Variants in TENM2 observed in about 807,000 individuals in gnomAD.
TENM2 encodes the protein teneurin transmembrane protein 2, also known as teneurin-2.
In TENM2, 52 loss-of-function variants were observed where a neutral mutation model predicts 245.2. That is an observed-to-expected ratio of 0.21 (90% CI 0.17 to 0.27). The LOEUF (loss-of-function observed/expected upper bound fraction) is 0.27, where lower values mean the gene tolerates loss of function less well. Ranked by LOEUF, TENM2 falls within the 10% of genes least tolerant of loss-of-function variation. The probability of loss-of-function intolerance (pLI) is 1.00; values close to 1 mark genes in which losing one functional copy is unlikely to be tolerated. For synonymous variants in TENM2, 1,363 were observed against 1,438.9 expected (o/e 0.95, Z 1.19); for missense variants, 3,046 against 3,666.8 (o/e 0.83, Z 4.37).
intron 2 of TENM2, among the ~76,000 whole-genome samples, chr5:167,849,913 T>C (rs1209726921): frequency 6.6e-6 from 1 of 152,212 alleles, no homozygotes; most frequent in Non-Finnish European, 1.5e-5. Flanking sequence ...CAGATTGAGC[T>C]ATCCAGAAGC....
intron 19 of TENM2, among the ~76,000 whole-genome samples, chr5:168,208,546 C>T (rs1762549098): frequency 6.6e-6 from 1 of 152,208 alleles, no homozygotes; most frequent in South Asian, 2.1e-4. Flanking sequence ...GAGTTTCAGC[C>T]AGGACAGACC....
At chr5:167,918,512 A>T (rs1777117048) in intron 3 of TENM2, among the ~76,000 whole-genome samples, 1 of 152,184 alleles carries the variant, frequency 6.6e-6, no homozygotes, top group Admixed American at 6.5e-5. Flanking sequence ...CTGAGCCCGC[A>T]GTTTGATTTT....
At chr5:167,592,148 G>T (rs374970875) in intron 2 of TENM2, among the ~76,000 whole-genome samples, 2 of 152,172 alleles carry the variant, frequency 1.3e-5, no homozygotes, top group Admixed American at 1.3e-4. Flanking sequence ...GAATTAAAAC[G>T]ATATCAAAGT....
Position 167,803,057 on chromosome 5 carries a change from G to A in TENM2, c.503-72929G>A, listed in dbSNP as rs181840712. Among the ~76,000 whole-genome samples the A allele has an allele frequency of 2.4e-4, 36 of 152,216 alleles. No individual in the cohort carries two copies. The East Asian group carries it at 6.6e-3, about 28-fold the overall frequency. Reference sequence around the variant, plus strand: ...AAAACCTAAATGCTTGATGTAGGAGGCATTAGGAAGAGCCTCAGGCACACA... The same window carrying A: ...AAAACCTAAATGCTTGATGTAGGAGACATTAGGAAGAGCCTCAGGCACACA... On this transcript the variant is annotated intron_variant, in intron 2 of 28. Coordinates refer to ENST00000518659, the Ensembl canonical transcript of TENM2.
chr5:167,436,402 A>T (rs1029688270), intron 2 of TENM2, among the ~76,000 whole-genome samples: 1 of 152,098 alleles, frequency 6.6e-6, no homozygotes, highest in Non-Finnish European at 1.5e-5. Flanking sequence ...CTAAGCAGCA[A>T]AGCATTCAAG....
chr5:167,526,396 A>C (rs1380482711), intron 2 of TENM2, among the ~76,000 whole-genome samples: 1 of 151,778 alleles, frequency 6.6e-6, no homozygotes, highest in Non-Finnish European at 1.5e-5. Flanking sequence ...ACACACACAG[A>C]AAAGAAGAAT....
intron 2 of TENM2, among the ~76,000 whole-genome samples, chr5:167,416,919 A>T (rs1230371006): frequency 1.3e-5 from 2 of 152,208 alleles, no homozygotes; most frequent in Non-Finnish European, 2.9e-5. Flanking sequence ...GATCATTCAA[A>T]TCAATCAAAT....
chr5:167,963,460 C>T (rs779741234), intron 4 of TENM2, among the ~76,000 whole-genome samples: 1 of 152,104 alleles, frequency 6.6e-6, no homozygotes, highest in Non-Finnish European at 1.5e-5. Context: ...ATTGGTCTCT[C>T]TCCAGGAGAG....
intron 2 of TENM2, among the ~76,000 whole-genome samples, chr5:167,601,073 G>C (rs1291379436): frequency 6.6e-6 from 1 of 152,180 alleles, no homozygotes; most frequent in Non-Finnish European, 1.5e-5. Context: ...AGCCCTGCCC[G>C]TGTGAAGTTT....
intron 1 of TENM2, among the ~76,000 whole-genome samples, chr5:167,323,583 T>C (rs1004116697): frequency 6.6e-6 from 1 of 152,124 alleles, no homozygotes; most frequent in African/African-American, 2.4e-5. Flanking sequence ...AAAAATTGCA[T>C]GTGCTAATTT....
chr5:167,279,744 A>G, the TENM2 span, among the ~76,000 whole-genome samples: 1 of 151,826 alleles, frequency 6.6e-6, no homozygotes, highest in Non-Finnish European at 1.5e-5. Context: ...TCTTCTTTAC[A>G]TCTTCTATTT....
chr5:167,288,952 A>C (rs1754475049), intron 1 of TENM2, among the ~76,000 whole-genome samples: 1 of 152,196 alleles, frequency 6.6e-6, no homozygotes, highest in Admixed American at 6.5e-5. Flanking sequence ...CCATACCTTT[A>C]AATCTTTCTT....
chr5:167,670,910 T>A (rs948590415), intron 2 of TENM2, among the ~76,000 whole-genome samples: 2 of 152,126 alleles, frequency 1.3e-5, no homozygotes, highest in Non-Finnish European at 2.9e-5. Flanking sequence ...TTTACTCAGC[T>A]CTGTAGGAGA....
chr5:168,225,213 G>A (rs1764047426), intron 23 of TENM2, among the ~76,000 whole-genome samples: 2 of 152,164 alleles, frequency 1.3e-5, no homozygotes, highest in Non-Finnish European at 2.9e-5. Context: ...CATGCAGCCA[G>A]GCCTTCTATG....
intron 7 of TENM2, among the ~76,000 whole-genome samples, chr5:168,087,857 A>G (rs1353657079): frequency 6.6e-6 from 1 of 152,148 alleles, no homozygotes; most frequent in African/African-American, 2.4e-5. Context: ...ATTGAGACAC[A>G]TCAGACACCA....
chr5:168,023,679 G>A (rs1419648222), intron 5 of TENM2, among the ~76,000 whole-genome samples: 3 of 152,324 alleles, frequency 2.0e-5, no homozygotes, highest in South Asian at 2.1e-4. Context: ...CATCAGACAC[G>A]TAGGTGGGTT....
At chr5:167,838,233 A>G (rs1008069873) in intron 2 of TENM2, among the ~76,000 whole-genome samples, 3 of 152,198 alleles carry the variant, frequency 2.0e-5, no homozygotes, top group African/African-American at 4.8e-5. Flanking sequence ...TCTATTTCCA[A>G]TGTTGGGATC....
chr5:167,043,520 A>T, the TENM2 span, among the ~76,000 whole-genome samples: 1 of 152,306 alleles, frequency 6.6e-6, no homozygotes, highest in Admixed American at 6.5e-5. Flanking sequence ...GCAGATACCC[A>T]GAGATGTGAA....
intron 2 of TENM2, among the ~76,000 whole-genome samples, chr5:167,744,061 C>A (rs1271137514): frequency 6.6e-6 from 1 of 152,268 alleles, no homozygotes; most frequent in East Asian, 1.9e-4. Flanking sequence ...ATTCTAGAAA[C>A]CAGCAGAAGC....
Sources: allele counts gnomAD v4.1 joint callset (sites outside exome capture counted in the v4.1 genomes callset), GRCh38; gene constraint gnomAD v4.1.1; transcripts MANE v1.5; gene names NCBI Gene and HGNC (gene_info 2026-07-23, HGNC 2026-07-21).